GABRA3: variants seen among roughly 807,000 people sequenced by gnomAD.
The protein encoded by GABRA3 is gamma-aminobutyric acid type A receptor subunit alpha3.
GABRA3 carries 10 observed loss-of-function variants against 30.1 expected under a neutral mutation model. The observed-to-expected ratio is 0.33, with a 90% CI of 0.20 to 0.56. The LOEUF is 0.56. Ranked by LOEUF, GABRA3 falls within the 20% of genes least tolerant of loss-of-function variation. The pLI is 0.89. For missense variants in GABRA3, 233 were observed against 392.0 expected, an observed-to-expected ratio of 0.59 and a Z score of 3.42; for synonymous variants, 151 against 146.8, an observed-to-expected ratio of 1.03 and a Z score of -0.21.
At chrX:152,368,127 A>G (rs1054470812) in intron 1 of GABRA3, among the ~76,000 whole-genome samples, 1 of 111,621 alleles carries the variant, frequency 9.0e-6, no homozygotes, top group African/African-American at 3.3e-5. Flanking sequence ...CCCTGCTCAT[A>G]ATCCTCCCAT....
chrX:152,168,314 C>G lies in GABRA3; in HGVS notation c.1393G>C (p.Val465Leu). The change falls in exon 10 of 10, where the codon GTG becomes CTG. Residue 465 changes from valine (V) to leucine (L), a missense_variant. Physicochemically the swap from Val to Leu is conservative, Grantham distance 32. This residue lies in a region of GABRA3 where 18 missense variants were observed against 38.5 expected (regional missense o/e 0.47). Coordinates refer to ENST00000370314, the MANE Select transcript of GABRA3 (RefSeq NM_000808.4). ...ACCAGATTGAATATGGCAAAGAGCACAGGAAAGATGATGCGGGAAATTTTG... is the reference window on the plus strand; with the variant it reads ...ACCAGATTGAATATGGCAAAGAGCAGAGGAAAGATGATGCGGGAAATTTTG... ...VDKISRIIFP[V>L]LFAIFNLVYW... The G allele has an allele frequency of 8.3e-7, 1 of 1,211,528 alleles. No individual in the cohort carries two copies.
intron 9 of GABRA3, among the ~76,000 whole-genome samples, chrX:152,169,174 C>G (rs892083494): frequency 4.4e-5 from 5 of 112,499 alleles, no homozygotes; most frequent in African/African-American, 1.6e-4. Flanking sequence ...AGTGGCACAT[C>G]TCCTGTGAGG....
chrX:152,368,953 T>C lies in GABRA3; in HGVS notation c.-26-4357A>G, dbSNP rs775233462. 1.3e-4 allele frequency among the ~76,000 whole-genome samples: 15 copies of C among 111,183 alleles called. No individual in the cohort carries two copies. In the East Asian group the frequency reaches 2.9e-3, roughly 21 times the overall value. ...ATCTCCTGACCTTGTGATCCGCCCA[T>C]CTCGGCCTCCCAAAGTGCTGGGATT... On this transcript the variant is annotated intron_variant, in intron 1 of 9. Coordinates refer to ENST00000370314, the MANE Select transcript of GABRA3 (RefSeq NM_000808.4).
chrX:152,172,372 T>C (rs1569345048), intron 9 of GABRA3, among the ~76,000 whole-genome samples: 1 of 111,680 alleles, frequency 9.0e-6, no homozygotes, highest in Non-Finnish European at 1.9e-5. Flanking sequence ...GCAACCACTA[T>C]GGAAAATGTT....
chrX:152,218,252 C>G (rs1307983591), intron 6 of GABRA3, among the ~76,000 whole-genome samples: 2 of 109,999 alleles, frequency 1.8e-5, no homozygotes, highest in Non-Finnish European at 3.8e-5. Context: ...ATGTGTTGTT[C>G]GATCTCAACA....
chrX:152,375,588 T>C (rs747570770), intron 1 of GABRA3, among the ~76,000 whole-genome samples: 15 of 112,101 alleles, frequency 1.3e-4, no homozygotes, highest in Non-Finnish European at 2.3e-4. Context: ...CCAAAGTAAA[T>C]TACTTGGACT....
chrX:152,402,741 A>G (rs1929825490), intron 1 of GABRA3, among the ~76,000 whole-genome samples: 1 of 112,066 alleles, frequency 8.9e-6, no homozygotes, highest in Non-Finnish European at 1.9e-5. Context: ...AATATTGACT[A>G]TATAGCATGT....
intron 4 of GABRA3, among the ~76,000 whole-genome samples, chrX:152,265,354 C>T (rs1022573710): frequency 9.0e-6 from 1 of 111,354 alleles, no homozygotes; most frequent in African/African-American, 3.3e-5. Context: ...ATTTTGGAAA[C>T]TACACAAACA....
At chrX:152,341,545 C>CTTTT (rs1201836478) in intron 3 of GABRA3, among the ~76,000 whole-genome samples, 2 of 86,760 alleles carry the variant, frequency 2.3e-5, no homozygotes, top group Admixed American at 1.3e-4. Flanking sequence ...CATCTATTGA[C>CTTTT]TTTTTTTTTT....
intron 1 of GABRA3, among the ~76,000 whole-genome samples, chrX:152,414,576 T>C (rs1394878883): frequency 1.8e-5 from 2 of 111,125 alleles, no homozygotes; most frequent in Non-Finnish European, 3.8e-5. Flanking sequence ...TTCTCGTACA[T>C]TGCTGCTGGT....
chrX:152,225,859 T>C (rs1475720473), intron 5 of GABRA3, among the ~76,000 whole-genome samples: 1 of 110,347 alleles, frequency 9.1e-6, no homozygotes, highest in African/African-American at 3.3e-5. Flanking sequence ...GCCATCCTTT[T>C]GGAGTTCTAA....
At chrX:152,323,228 A>T (rs1939999000) in intron 3 of GABRA3, among the ~76,000 whole-genome samples, 1 of 111,711 alleles carries the variant, frequency 9.0e-6, no homozygotes, top group Non-Finnish European at 1.9e-5. Context: ...GGAGTGGGAT[A>T]TCATTCAGTG....
intron 1 of GABRA3, among the ~76,000 whole-genome samples, chrX:152,386,583 G>A (rs5970290): frequency 0.31 from 32,674 of 105,875 alleles, 4,349 homozygotes; most frequent in Admixed American, 0.38. Flanking sequence ...AATGCAAATC[G>A]AAACCACAAT....
Position 152,435,577 on chromosome X carries a change from A to T in GABRA3, c.-27+15569T>A, listed in dbSNP as rs749577637. ...ACATGGACATAGGGAGGGGAACATC[A>T]CACACTGGGGCCTGTCAGGGGGTGG... is the stretch of plus-strand genomic sequence containing the variant. On this transcript the variant is annotated intron_variant, in intron 1 of 9. Transcript: ENST00000370314. 3.9e-5 allele frequency among the ~76,000 whole-genome samples: 4 copies of T among 103,043 alleles called. No individual in the cohort carries two copies. The East Asian group carries it at 1.3e-3, about 32-fold the overall frequency. 89.5% of individuals were successfully genotyped at this position (103,043 alleles called of 115,157 possible). A position where few individuals can be genotyped will look rare whatever the true frequency, so the allele number is the denominator to read the frequency against.
At chrX:152,259,628 G>C (rs5969877) in intron 4 of GABRA3, among the ~76,000 whole-genome samples, 24,718 of 110,244 alleles carry the variant, frequency 0.22, 2,724 homozygotes, top group African/African-American at 0.43. Context: ...TAGAAACACA[G>C]CGGGTCAGAA....
chrX:152,370,518 T>C (rs760982028), intron 1 of GABRA3, among the ~76,000 whole-genome samples: 7 of 112,289 alleles, frequency 6.2e-5, no homozygotes, highest in Non-Finnish European at 1.1e-4. Flanking sequence ...ACATAGAAAT[T>C]TGAAATTGGG....
Position 152,434,320 on chromosome X carries a change from G to T in GABRA3, c.-27+16826C>A, listed in dbSNP as rs758288566. On this transcript the variant is annotated intron_variant, in intron 1 of 9. Coordinates refer to ENST00000370314, the MANE Select transcript of GABRA3 (RefSeq NM_000808.4). ...CTTTCTCCCATGCTGGATGCTTCCT[G>T]CCCTCAAACATAGGACTCCAAGTTC... Among the ~76,000 whole-genome samples, 135 of 111,161 alleles carry T rather than the reference G, an allele frequency of 1.2e-3. 2 individuals are homozygous for T. Among genetic ancestry groups the T allele is most frequent in the African/African-American group, 4.2e-3 (128 of 30,583 alleles).
intron 5 of GABRA3, among the ~76,000 whole-genome samples, chrX:152,237,062 TC>T (rs1385500374): frequency 9.1e-6 from 1 of 109,939 alleles, no homozygotes; most frequent in Non-Finnish European, 1.9e-5. Flanking sequence ...GGACATGAAG[TC>T]CTTGCCCATG....
chrX:152,329,381 A>G (rs189227611), intron 3 of GABRA3, among the ~76,000 whole-genome samples: 40 of 111,984 alleles, frequency 3.6e-4, no homozygotes, highest in African/African-American at 1.3e-3. Context: ...AAGAGCCCAC[A>G]TAGCCAAGAC....
Sources: gnomAD v4.1 joint callset for allele counts (sites outside exome capture counted in the v4.1 genomes callset) on GRCh38, gnomAD v4.1.1 for gene constraint, gnomAD v4.1.1 regional missense constraint, MANE v1.5 for transcripts, NCBI Gene and HGNC (gene_info 2026-07-23, HGNC 2026-07-21) for gene names.